Variants in INPP4B observed in about 807,000 individuals in gnomAD.
INPP4B encodes the protein inositol polyphosphate 4-phosphatase type II.
INPP4B carries 55 observed loss-of-function variants against 122.5 expected under a neutral mutation model. That is an observed-to-expected ratio of 0.45 (90% CI 0.36 to 0.56). The LOEUF (loss-of-function observed/expected upper bound fraction) is 0.56. Ranked by LOEUF, INPP4B falls within the 20% of genes least tolerant of loss-of-function variation. The pLI is 0.00. For synonymous variants in INPP4B, 403 were observed against 388.7 expected (o/e 1.04, Z -0.43); for missense variants, 1,000 against 1,097.7 (o/e 0.91, Z 1.26).
In INPP4B at chr4:142,429,213, G is replaced by A. The variant is rs1808759810; in HGVS notation, c.96C>T (p.Ile32=). Reference sequence around the variant, plus strand: ...ACTGCGGTTCATTTGGAGTCTTCTGGATACCTATAAATAATAGGAGCAAAT... The same window carrying A: ...ACTGCGGTTCATTTGGAGTCTTCTGAATACCTATAAATAATAGGAGCAAAT... The part of the protein sequence containing the change: ...NDPGDCQFTS[I]QKTPNEPQLE... The change falls in exon 5 of 26, where the codon ATC becomes ATT. Residue 32 remains isoleucine, a synonymous_variant. Coordinates refer to ENST00000262992, the MANE Select transcript of INPP4B (RefSeq NM_001101669.3). 2 of 1,550,784 alleles carry A rather than the reference G, an allele frequency of 1.3e-6. No individual in the cohort carries two copies. The highest frequency in any genetic ancestry group is 1.7e-5 in the Admixed American group (1 of 58,138).
At chr4:142,819,538 A>G (rs1246631792) in intron 1 of INPP4B, among the ~76,000 whole-genome samples, 1 of 152,174 alleles carries the variant, frequency 6.6e-6, no homozygotes, top group East Asian at 1.9e-4. Context: ...CACTTCATCT[A>G]AATCTACAGC....
At chr4:142,531,164 A>C (rs1303614294) in intron 2 of INPP4B, among the ~76,000 whole-genome samples, 1 of 151,984 alleles carries the variant, frequency 6.6e-6, no homozygotes, top group Non-Finnish European at 1.5e-5. Flanking sequence ...ACAGTTTGAA[A>C]ATAAAGTCAA....
At chr4:142,535,810 A>C (rs1369129622) in intron 2 of INPP4B, among the ~76,000 whole-genome samples, 1 of 152,112 alleles carries the variant, frequency 6.6e-6, no homozygotes, top group Non-Finnish European at 1.5e-5. Flanking sequence ...TCCAATCTTC[A>C]GTCTTCAGTT....
chr4:142,078,506 A>G (rs990268460), intron 25 of INPP4B, among the ~76,000 whole-genome samples: 1 of 152,152 alleles, frequency 6.6e-6, no homozygotes, highest in Non-Finnish European at 1.5e-5. Flanking sequence ...TACTATGTTC[A>G]CTGGGTACTG....
At chr4:142,104,500 C>T (rs1786014821) in intron 23 of INPP4B, among the ~76,000 whole-genome samples, 1 of 152,142 alleles carries the variant, frequency 6.6e-6, no homozygotes, top group Admixed American at 6.6e-5. Flanking sequence ...GTGAATATCA[C>T]AGGTAGGGCC....
intron 2 of INPP4B, among the ~76,000 whole-genome samples, chr4:142,697,361 A>C (rs1761170047): frequency 6.6e-6 from 1 of 152,176 alleles, no homozygotes; most frequent in Non-Finnish European, 1.5e-5. Context: ...ATAAAAACAG[A>C]GTCTGGGATC....
At chr4:142,584,520 T>C (rs1051230066) in intron 2 of INPP4B, among the ~76,000 whole-genome samples, 1 of 152,188 alleles carries the variant, frequency 6.6e-6, no homozygotes, top group Non-Finnish European at 1.5e-5. Context: ...AATTATTTTG[T>C]AGAGTGTCTC....
intron 2 of INPP4B, among the ~76,000 whole-genome samples, chr4:142,522,182 T>C (rs1580274842): frequency 6.6e-6 from 1 of 152,152 alleles, no homozygotes; most frequent in East Asian, 1.9e-4. Context: ...TAAAGGTTTT[T>C]ATGTTTATCA....
At chr4:142,795,752 CTA>C (rs1320511143) in intron 1 of INPP4B, 3 of 151,968 alleles carry the variant, frequency 2.0e-5, no homozygotes, top group Non-Finnish European at 4.4e-5. Flanking sequence ...GCCAAAAAAA[CTA>C]TGTCATCTCT....
intron 2 of INPP4B, among the ~76,000 whole-genome samples, chr4:142,596,708 T>C (rs1273686559): frequency 6.6e-6 from 1 of 152,222 alleles, no homozygotes; most frequent in Non-Finnish European, 1.5e-5. Context: ...TCATCTAAAA[T>C]ACCAAGTTTT....
chr4:142,844,114 A>G (rs939579449), intron 1 of INPP4B, among the ~76,000 whole-genome samples: 1 of 152,182 alleles, frequency 6.6e-6, no homozygotes, highest in African/African-American at 2.4e-5. Context: ...CCCAAACTGA[A>G]GCTCAAACAC....
intron 23 of INPP4B, among the ~76,000 whole-genome samples, chr4:142,094,247 A>C (rs1010203389): frequency 2.0e-5 from 3 of 152,202 alleles, no homozygotes; most frequent in Non-Finnish European, 4.4e-5. Context: ...AGGGCTTTAC[A>C]CAAATCCCCA....
At chr4:142,072,667 T>C (rs1768209505) in intron 25 of INPP4B, among the ~76,000 whole-genome samples, 1 of 151,762 alleles carries the variant, frequency 6.6e-6, no homozygotes. Flanking sequence ...ATAACAGTCA[T>C]CACCACACAT....
chr4:142,344,505 G>C (rs977407495), intron 7 of INPP4B, among the ~76,000 whole-genome samples: 2 of 151,952 alleles, frequency 1.3e-5, no homozygotes, highest in Non-Finnish European at 2.9e-5. Context: ...CCTATAAGGT[G>C]TAAATTTACA....
intron 9 of INPP4B, among the ~76,000 whole-genome samples, chr4:142,289,163 T>C (rs1561757090): frequency 6.6e-6 from 1 of 150,878 alleles, no homozygotes; most frequent in African/African-American, 2.5e-5. Flanking sequence ...AAATATACTT[T>C]TAGCAGTGAA....
At position 142,674,827 on chromosome 4, in the gene INPP4B, G is replaced by A. The variant is rs1014716254; in HGVS notation, c.-191+51012C>T. ...AAATCAATGAGAACAAAGAGGTAACGTACCAGAATCTCTGGGACACAGCTA... is the reference window on the plus strand; with the variant it reads ...AAATCAATGAGAACAAAGAGGTAACATACCAGAATCTCTGGGACACAGCTA... On this transcript the variant is annotated intron_variant, in intron 2 of 25. Coordinates refer to ENST00000262992, the MANE Select transcript of INPP4B (RefSeq NM_001101669.3). Among the ~76,000 whole-genome samples, 13 of 152,044 alleles carry A rather than the reference G, an allele frequency of 8.6e-5. No individual in the cohort carries two copies. The South Asian group carries it at 1.5e-3, about 17-fold the overall frequency.
Position 142,028,910 on chromosome 4 carries a change from C to T in INPP4B, c.2647G>A (p.Gly883Arg). Residue 883 changes from glycine to arginine, a missense_variant, in exon 26 of 26, where the codon GGA becomes AGA. Gly to Arg is a moderately radical substitution (Grantham distance 125). Transcript: ENST00000262992. ...IRALDCMRREGCRIENVLKNI... is the reference protein window; with the variant it reads ...IRALDCMRRERCRIENVLKNI... ...TTCAGTACATTCTCTATGCGGCATC[C>T]TTCTCTGGTGAAAGGGGAAAAAGTA... The T allele has an allele frequency of 6.2e-7, 1 of 1,609,180 alleles. No individual in the cohort carries two copies. The highest frequency in any genetic ancestry group is 8.5e-7 in the Non-Finnish European group (1 of 1,178,324).
chr4:142,191,501 A>G (rs1322130586), intron 15 of INPP4B, among the ~76,000 whole-genome samples: 1 of 152,148 alleles, frequency 6.6e-6, no homozygotes, highest in Non-Finnish European at 1.5e-5. Context: ...TCATACCCCC[A>G]CATCAGTAGG....
At chr4:142,843,503 G>A (rs543173487) in intron 1 of INPP4B, among the ~76,000 whole-genome samples, 10 of 152,026 alleles carry the variant, frequency 6.6e-5, no homozygotes, top group Admixed American at 5.2e-4. Context: ...CATTTAACTT[G>A]AGATTATTTA....
Sources: allele counts gnomAD v4.1 joint callset (sites outside exome capture counted in the v4.1 genomes callset), GRCh38; gene constraint gnomAD v4.1.1; transcripts MANE v1.5; gene names NCBI Gene and HGNC (gene_info 2026-07-23, HGNC 2026-07-21).